RNF19A: variants seen among roughly 807,000 people sequenced by gnomAD.
RNF19A encodes the protein ring finger protein 19A, RBR E3 ubiquitin protein ligase, also known as E3 ubiquitin-protein ligase RNF19A.
RNF19A carries 32 observed loss-of-function variants against 75.7 expected under a neutral mutation model. That is an observed-to-expected ratio of 0.42 (90% confidence interval 0.32 to 0.57). RNF19A has a LOEUF of 0.57. Ranked by LOEUF, RNF19A falls within the 20% of genes least tolerant of loss-of-function variation. RNF19A has a pLI of 0.10. For synonymous variants in RNF19A, 335 were observed against 345.2 expected (o/e 0.97, Z 0.33); for missense variants, 782 against 1,036.3 (o/e 0.75, Z 3.37).
chr8:100,319,690 C>T (rs764323097), intron 1 of RNF19A, among the ~76,000 whole-genome samples: 6 of 151,158 alleles, frequency 4.0e-5, no homozygotes, highest in East Asian at 1.9e-4. Context: ...CCACCATGCC[C>T]GGCTAATTTT....
chr8:100,296,288 A>G (rs1413356451), intron 1 of RNF19A, among the ~76,000 whole-genome samples: 3 of 152,104 alleles, frequency 2.0e-5, no homozygotes, highest in Non-Finnish European at 4.4e-5. Flanking sequence ...TATTTTTAGT[A>G]GAGACGGGGT....
At position 100,259,368 on chromosome 8, in the gene RNF19A, C is replaced by T; in HGVS notation, c.1827-122G>A. 1 of 711,626 alleles carries T rather than the reference C, an allele frequency of 1.4e-6. No homozygotes were observed. The highest frequency in any genetic ancestry group is 2.3e-6 in the Non-Finnish European group (1 of 427,484). The allele number at this position is 711,626 out of a possible 1,614,324, so 44.1% of individuals were successfully genotyped here. On this transcript the variant is annotated intron_variant, in intron 9 of 9. Coordinates refer to ENST00000341084, the MANE Select transcript of RNF19A (RefSeq NM_183419.4). The surrounding 1 kb of genome is among the most constrained non-coding windows in gnomAD (Gnocchi z 4.5). ...TATAAGCTATGAGAACACCTTAACGCAGAACACGTTCTACTTAAAAAACAT... is the reference window on the plus strand; with the variant it reads ...TATAAGCTATGAGAACACCTTAACGTAGAACACGTTCTACTTAAAAAACAT...
At chr8:100,263,093 G>A (rs1819801530) in intron 7 of RNF19A, among the ~76,000 whole-genome samples, 1 of 152,182 alleles carries the variant, frequency 6.6e-6, no homozygotes, top group African/African-American at 2.4e-5. Flanking sequence ...ATGCAAGTTT[G>A]AAGTTCAGGG....
intron 1 of RNF19A, among the ~76,000 whole-genome samples, chr8:100,306,373 T>G (rs976148171): frequency 6.6e-6 from 1 of 152,188 alleles, no homozygotes; most frequent in Admixed American, 6.5e-5. Flanking sequence ...CTAATAGGAC[T>G]TCTAAAACAA....
At chr8:100,281,930 T>C (rs1820797704) in intron 2 of RNF19A, among the ~76,000 whole-genome samples, 1 of 152,182 alleles carries the variant, frequency 6.6e-6, no homozygotes, top group Non-Finnish European at 1.5e-5. Flanking sequence ...AGAGAAGGTC[T>C]AGACAAAGGG....
intron 1 of RNF19A, among the ~76,000 whole-genome samples, chr8:100,316,906 G>C (rs2849506): frequency 0.47 from 70,900 of 152,106 alleles, 17,450 homozygotes; most frequent in African/African-American, 0.64. Context: ...CTGCAGGTCC[G>C]GAGCCCTGCC....
chr8:100,295,458 C>T (rs977659002), intron 1 of RNF19A, among the ~76,000 whole-genome samples: 13 of 152,138 alleles, frequency 8.5e-5, no homozygotes, highest in Non-Finnish European at 1.6e-4. Flanking sequence ...CTGGGCATAA[C>T]TTTAGGAACC....
At position 100,293,139 on chromosome 8, in the gene RNF19A, G is replaced by C. The variant is rs550282916; in HGVS notation, c.-93-4872C>G. Among the ~76,000 whole-genome samples the C allele has an allele frequency of 3.3e-5, 5 of 152,344 alleles. No homozygotes were observed. The East Asian group carries it at 7.7e-4, about 24-fold the overall frequency. Reference sequence around the variant, plus strand: ...AGCTCAGGCAATAATGCTCACGGCTGCTCGCCTCCTGCTGCGTGGCCCAGT... The same window carrying C: ...AGCTCAGGCAATAATGCTCACGGCTCCTCGCCTCCTGCTGCGTGGCCCAGT... On this transcript the variant is annotated intron_variant, in intron 1 of 9. Coordinates refer to ENST00000341084, the MANE Select transcript of RNF19A (RefSeq NM_183419.4).
chr8:100,261,829 T>A lies in RNF19A; in HGVS notation c.1469-74A>T. 3 of 1,409,644 alleles carry A rather than the reference T, an allele frequency of 2.1e-6. No homozygotes were observed. The highest frequency in any genetic ancestry group is 3.0e-6 in the Non-Finnish European group (3 of 995,168). 87.3% of individuals were successfully genotyped at this position (1,409,644 alleles called of 1,614,324 possible). A position where few individuals can be genotyped will look rare whatever the true frequency, so the allele number is the denominator to read the frequency against. ...TCTCCTTCTTAAATTCCTCCATGAT[T>A]TCAGAGAGGACATTATATAAGGTAT... is the stretch of plus-strand genomic sequence containing the variant. On this transcript the variant is annotated intron_variant, in intron 7 of 9. Transcript: ENST00000341084. This position sits in a 1 kb window ranked among gnomAD's most constrained non-coding sequence, Gnocchi z 4.4.
chr8:100,261,838 G>C lies in RNF19A; in HGVS notation c.1469-83C>G. 1 of 1,358,656 alleles carries C rather than the reference G, an allele frequency of 7.4e-7. No individual in the cohort carries two copies. Among genetic ancestry groups the C allele is most frequent in the Non-Finnish European group, 1.1e-6 (1 of 951,094 alleles). 84.2% of individuals were successfully genotyped at this position (1,358,656 alleles called of 1,614,324 possible). A position where few individuals can be genotyped will look rare whatever the true frequency, so the allele number is the denominator to read the frequency against. On this transcript the variant is annotated intron_variant, in intron 7 of 9. Transcript: ENST00000341084. This position sits in a 1 kb window ranked among gnomAD's most constrained non-coding sequence, Gnocchi z 4.4. ...TAAATTCCTCCATGATTTCAGAGAG[G>C]ACATTATATAAGGTATAAAATATAC...
intron 5 of RNF19A, among the ~76,000 whole-genome samples, chr8:100,267,041 A>T (rs1368147717): frequency 1.3e-5 from 2 of 152,222 alleles, no homozygotes; most frequent in African/African-American, 2.4e-5. Context: ...TAAAGGAAAC[A>T]AAAGGAAACA....
At chr8:100,303,196 C>T (rs927103499) in intron 1 of RNF19A, 7 of 152,256 alleles carry the variant, frequency 4.6e-5, no homozygotes, top group African/African-American at 1.2e-4. Context: ...CCAGCTGGGC[C>T]GTGCTCCCAC....
chr8:100,266,762 C>T (rs1301601635), intron 5 of RNF19A, among the ~76,000 whole-genome samples: 1 of 152,122 alleles, frequency 6.6e-6, no homozygotes. Flanking sequence ...ATCCTCCCTC[C>T]TCACCCTCCC....
Position 100,323,609 on chromosome 8 carries a change from G to T in RNF19A, c.-242-10237C>A, listed in dbSNP as rs901646708. 1.3e-5 allele frequency among the ~76,000 whole-genome samples: 2 copies of T among 152,174 alleles called. No individual in the cohort carries two copies. Among genetic ancestry groups the T allele is most frequent in the Non-Finnish European group, 2.9e-5 (2 of 68,036 alleles). On this transcript the variant is annotated intron_variant, in intron 1 of 3. Transcript: ENST00000519527. This position sits in a 1 kb window ranked among gnomAD's most constrained non-coding sequence, Gnocchi z 4.6. ...TTTAAAATTTCATCTACCTTTGCCA[G>T]GGGAATCCCATTAGAAATGTGTTAG...
rs1819510424 is a variant in RNF19A, at chr8:100,257,480, G to T, written c.*1076C>A. The T allele has an allele frequency of 1.3e-5, 2 of 152,614 alleles. No homozygotes were observed. The highest frequency in any genetic ancestry group is 4.8e-5 in the African/African-American group (2 of 41,396). 9.5% of individuals were successfully genotyped at this position (152,614 alleles called of 1,614,324 possible). Reference sequence around the variant, plus strand: ...AAGAAAATAATGCTAATCATACATGGACCTTTTGTACTTGGTACAAGTTCT... The same window carrying T: ...AAGAAAATAATGCTAATCATACATGTACCTTTTGTACTTGGTACAAGTTCT... On this transcript the variant is annotated 3_prime_UTR_variant, in exon 10 of 10. Transcript: ENST00000341084.
chr8:100,311,313 T>G (rs1822287285), upstream of RNF19A, among the ~76,000 whole-genome samples: 1 of 152,236 alleles, frequency 6.6e-6, no homozygotes, highest in African/African-American at 2.4e-5. Context: ...TGTTATACCT[T>G]TAAATGCTAC....
At chr8:100,274,838 C>A (rs908813271) in intron 3 of RNF19A, 115 bp downstream of exon 3, 7 of 734,536 alleles carry the variant, frequency 9.5e-6, no homozygotes, top group Admixed American at 2.8e-5. Flanking sequence ...GATAGAAATG[C>A]ACTTAAAAAC....
At chr8:100,286,838 C>A (rs1452796846) in intron 2 of RNF19A, among the ~76,000 whole-genome samples, 1 of 152,120 alleles carries the variant, frequency 6.6e-6, no homozygotes, top group African/African-American at 2.4e-5. Flanking sequence ...CTAATTCTGA[C>A]AACTGTACAC....
Position 100,301,296 on chromosome 8 carries a change from A to C in RNF19A, c.-94+8571T>G, listed in dbSNP as rs56838048. On this transcript the variant is annotated intron_variant, in intron 1 of 9. Transcript: ENST00000341084. ...GCTAACGTGGCAGAGCTAAAGGCTC[A>C]GCATTCTTTCTACTATCTTACTGCC... Among the ~76,000 whole-genome samples, 785 of 152,366 alleles carry C rather than the reference A, an allele frequency of 5.2e-3. 9 individuals are homozygous for C. The highest frequency in any genetic ancestry group is 0.018 in the African/African-American group (768 of 41,582).
Sources: allele counts gnomAD v4.1 joint callset (sites outside exome capture counted in the v4.1 genomes callset), GRCh38; gene constraint gnomAD v4.1.1; non-coding constraint Gnocchi (gnomAD v3.1); transcripts MANE v1.5; gene names NCBI Gene and HGNC (gene_info 2026-07-23, HGNC 2026-07-21).